CFAP46: variants seen among roughly 807,000 people sequenced by gnomAD.
The protein encoded by CFAP46 is cilia- and flagella-associated protein 46.
CFAP46 carries 245 observed loss-of-function variants against 325.7 expected under a neutral mutation model. The observed-to-expected ratio is 0.75, with a 90% CI of 0.68 to 0.84. The LOEUF (loss-of-function observed/expected upper bound fraction) is 0.84, where lower values mean the gene tolerates loss of function less well. Among genes scored for constraint, CFAP46 ranks in the 40% least tolerant of loss-of-function variants. The pLI, the probability that CFAP46 is intolerant of heterozygous loss-of-function variation, is 0.00. For missense variants in CFAP46, 3,346 were observed against 3,543.0 expected, an observed-to-expected ratio of 0.94 and a Z score of 1.41; for synonymous variants, 1,523 against 1,495.9, an observed-to-expected ratio of 1.02 and a Z score of -0.42.
At chr10:132,902,888 C>G (rs1849409641) in intron 22 of CFAP46, among the ~76,000 whole-genome samples, 1 of 152,098 alleles carries the variant, frequency 6.6e-6, no homozygotes, top group African/African-American at 2.4e-5. Context: ...TAAGGTGTGT[C>G]TTTCTGAATG....
rs1375110860 is a variant in CFAP46, at chr10:132,898,991, C to T, written c.3187G>A (p.Gly1063Ser). ...KAKGALKRLI[G>S]IINKTEARKQ... ...CTGGCCTCTGTCTTGTTGATGATGC[C>T]GATGAGCCTCTTCAGGGCACCCTTG... is the stretch of plus-strand genomic sequence containing the variant. Residue 1063 changes from glycine to serine, a missense_variant, in exon 24 of 58, where the codon GGC becomes AGC. Gly to Ser is a moderately conservative substitution (Grantham distance 56, BLOSUM62 0). Coordinates refer to ENST00000368586, the MANE Select transcript of CFAP46 (RefSeq NM_001200049.3). 1.4e-5 allele frequency: 22 copies of T among 1,550,538 alleles called. No homozygotes were observed. The highest frequency in any genetic ancestry group is 4.9e-5 in the East Asian group (2 of 40,908).
At chr10:132,816,708 T>C (rs1359037130) in intron 50 of CFAP46, among the ~76,000 whole-genome samples, 2 of 152,220 alleles carry the variant, frequency 1.3e-5, no homozygotes, top group Non-Finnish European at 2.9e-5. Flanking sequence ...GGCATTTACA[T>C]CTGCAATACC....
In CFAP46 at chr10:132,886,054, CCT is replaced by C. The variant is rs375265328; in HGVS notation, c.3305-97_3305-96del. The C allele has an allele frequency of 6.8e-7, 1 of 1,462,218 alleles. No individual in the cohort carries two copies. Among genetic ancestry groups the C allele is most frequent in the Non-Finnish European group, 9.2e-7 (1 of 1,083,866 alleles). 90.6% of individuals were successfully genotyped at this position (1,462,218 alleles called of 1,614,324 possible). ...AGACTAAGCTGCCCATCACAGTGCCCCTGAGGTGGAACCGCGGCTACAGAGGT... is the reference window on the plus strand; with the variant it reads ...AGACTAAGCTGCCCATCACAGTGCCCGAGGTGGAACCGCGGCTACAGAGGT... On this transcript the variant is annotated intron_variant, in intron 25 of 57. Coordinates refer to ENST00000368586, the MANE Select transcript of CFAP46 (RefSeq NM_001200049.3). The surrounding 1 kb of genome is among the most constrained non-coding windows in gnomAD (Gnocchi z 5.8).
At chr10:132,821,495 ATGTGTGCTG>A (rs1445847909) in intron 50 of CFAP46, among the ~76,000 whole-genome samples, 93 of 106,784 alleles carry the variant, frequency 8.7e-4, no homozygotes, top group African/African-American at 3.6e-3. Context: ...GTGAGTGCTG[ATGTGTGCTG>A]TGTGCGCTGT....
intron 46 of CFAP46, 42 bp from the exon 47 acceptor site, chr10:132,835,476 G>A: frequency 1.2e-6 from 2 of 1,611,360 alleles, no homozygotes; most frequent in South Asian, 2.2e-5. Context: ...GCCCAGGGCT[G>A]AGGATGGCAG....
rs538093936 is a variant in CFAP46, at chr10:132,833,578, C to T, written c.6950-53G>A. 1.3e-5 allele frequency: 21 copies of T among 1,571,628 alleles called. No homozygotes were observed. In the East Asian group the frequency reaches 2.5e-4, roughly 19 times the overall value. On this transcript the variant is annotated intron_variant, in intron 49 of 57. Coordinates refer to ENST00000368586, the MANE Select transcript of CFAP46 (RefSeq NM_001200049.3). The stretch of plus-strand genomic sequence containing the variant: ...GCTCCTGAAGACGGGACCCCTCCCA[C>T]GGGGTCGCAGGGCTCCGTCTTCTGA...
intron 22 of CFAP46, among the ~76,000 whole-genome samples, 193 bp from the exon 23 acceptor site, chr10:132,899,859 C>T (rs923797447): frequency 6.6e-6 from 1 of 152,206 alleles, no homozygotes; most frequent in Non-Finnish European, 1.5e-5. Flanking sequence ...TGCTAGACTG[C>T]AGGGATGCAG....
intron 7 of CFAP46, among the ~76,000 whole-genome samples, chr10:132,936,196 A>C (rs1850001894): frequency 8.3e-6 from 1 of 121,022 alleles, no homozygotes; most frequent in Non-Finnish European, 1.7e-5. Flanking sequence ...TCAGCCCCCA[A>C]ACACACTGTG....
intron 50 of CFAP46, among the ~76,000 whole-genome samples, chr10:132,822,282 G>T (rs972985803): frequency 1.2e-4 from 12 of 96,644 alleles, no homozygotes; most frequent in African/African-American, 3.8e-4. Flanking sequence ...CTGTGTGAGT[G>T]CTGGTGTGCT....
rs1489691813 is a variant in CFAP46 at position 132,836,915 on chromosome 10, C to T, written c.6439-1G>A. 1 of 1,613,322 alleles carries T rather than the reference C, an allele frequency of 6.2e-7. No homozygotes were observed. Among genetic ancestry groups the T allele is most frequent in the South Asian group, 1.1e-5 (1 of 91,072 alleles). On this transcript the variant is annotated splice_acceptor_variant, in intron 44 of 57. Coordinates refer to ENST00000368586, the MANE Select transcript of CFAP46 (RefSeq NM_001200049.3). LOFTEE classifies it high-confidence loss of function. ...CAGTGACGCAGAGATTTTGCCAAGC[C>T]TGTGTGGCGAAAAACGGCCATCAGG... is the stretch of plus-strand genomic sequence containing the variant.
intron 22 of CFAP46, among the ~76,000 whole-genome samples, chr10:132,906,303 C>T (rs1849455070): frequency 6.6e-6 from 1 of 152,234 alleles, no homozygotes; most frequent in Admixed American, 6.5e-5. Context: ...CAAGGCAGTG[C>T]TTATAGCCCA....
Position 132,859,204 on chromosome 10 carries a change from T to G in CFAP46, c.5242A>C (p.Thr1748Pro), listed in dbSNP as rs2135216439. ...AGCAACGAGCACTCTGTGGGTTCAGTGACCGCTGAGTGCTGCGCAACTCTG... is the reference window on the plus strand; with the variant it reads ...AGCAACGAGCACTCTGTGGGTTCAGGGACCGCTGAGTGCTGCGCAACTCTG... ...RVRVAQHSAV[T>P]EPTECSLLLK... Residue 1748 changes from threonine to proline, a missense_variant, in exon 38 of 58, where the codon ACT becomes CCT. Thr to Pro is a conservative substitution (Grantham distance 38, BLOSUM62 -1). Transcript: ENST00000368586. The G allele has an allele frequency of 1.9e-6, 3 of 1,550,356 alleles. No homozygotes were observed. Among genetic ancestry groups the G allele is most frequent in the Non-Finnish European group, 2.6e-6 (3 of 1,146,998 alleles).
At chr10:132,825,972 G>A (rs916169552) in intron 50 of CFAP46, among the ~76,000 whole-genome samples, 7 of 152,052 alleles carry the variant, frequency 4.6e-5, no homozygotes, top group Admixed American at 6.5e-5. Context: ...GACCAGCCAC[G>A]GAGCCAGGCA....
Position 132,835,167 on chromosome 10 carries a change from G to A in CFAP46, c.6744+137C>T, listed in dbSNP as rs986953530. ...TTGGCCTGGGAGTTGGGCAGTGCCC[G>A]GGTGTTGGGATGGCCCAAGCCCTTC... is the stretch of plus-strand genomic sequence containing the variant. On this transcript the variant is annotated intron_variant, in intron 47 of 57. Coordinates refer to ENST00000368586, the MANE Select transcript of CFAP46 (RefSeq NM_001200049.3). 313 of 1,200,058 alleles carry A rather than the reference G, an allele frequency of 2.6e-4. 2 individuals are homozygous for A. The African/African-American group carries it at 4.2e-3, about 16-fold the overall frequency. 74.3% of individuals were successfully genotyped at this position (1,200,058 alleles called of 1,614,324 possible).
intron 19 of CFAP46, among the ~76,000 whole-genome samples, chr10:132,910,761 T>A (rs1849529550): frequency 6.6e-6 from 1 of 152,224 alleles, no homozygotes; most frequent in Admixed American, 6.5e-5. Context: ...CACAGACACC[T>A]ACTGGGCAGC....
intron 50 of CFAP46, among the ~76,000 whole-genome samples, chr10:132,825,005 GTGC>G (rs917203996): frequency 1.4e-5 from 2 of 141,880 alleles, no homozygotes; most frequent in Non-Finnish European, 3.0e-5. Flanking sequence ...GTGCTGATGT[GTGC>G]TGATGTGTGC....
At chr10:132,934,917 T>C in intron 7 of CFAP46, 55 bp from the exon 8 acceptor site, 2 of 1,152,418 alleles carry the variant, frequency 1.7e-6, no homozygotes, top group Non-Finnish European at 2.6e-6. Flanking sequence ...TTTATTCAAA[T>C]TCTTCTAAGA....
At chr10:132,928,064 G>C in intron 9 of CFAP46, among the ~76,000 whole-genome samples, 1 of 152,198 alleles carries the variant, frequency 6.6e-6, no homozygotes. Flanking sequence ...TGGGGGCAGA[G>C]TTGGGCCACA....
rs187837208 is a variant in CFAP46, at chr10:132,921,687, C to T, written c.1606+417G>A. 3.3e-3 allele frequency among the ~76,000 whole-genome samples: 506 copies of T among 152,354 alleles called. 1 individual carries two copies. Among genetic ancestry groups the T allele is most frequent in the Non-Finnish European group, 5.7e-3 (387 of 68,038 alleles). On this transcript the variant is annotated intron_variant, in intron 13 of 57. Coordinates refer to ENST00000368586, the MANE Select transcript of CFAP46 (RefSeq NM_001200049.3). ...GACCCTAGTCCAATCTGACTGGTGTCCTTCCAAAGGGAGGAAACGAGGACA... is the reference window on the plus strand; with the variant it reads ...GACCCTAGTCCAATCTGACTGGTGTTCTTCCAAAGGGAGGAAACGAGGACA...
Sources: gnomAD v4.1 joint callset for allele counts (sites outside exome capture counted in the v4.1 genomes callset) on GRCh38, gnomAD v4.1.1 for gene constraint, Gnocchi (gnomAD v3.1) non-coding constraint, MANE v1.5 for transcripts, NCBI Gene and HGNC (gene_info 2026-07-23, HGNC 2026-07-21) for gene names.